CDH13: variants seen among roughly 807,000 people sequenced by gnomAD.
CDH13 encodes cadherin-13.
In CDH13, 24 loss-of-function variants were observed where a neutral mutation model predicts 63.8. The ratio of observed to expected loss-of-function variants is 0.38; its 90% CI spans 0.27 to 0.53. The LOEUF (loss-of-function observed/expected upper bound fraction) is 0.53, where lower values mean the gene tolerates loss of function less well. Ranked by LOEUF, CDH13 falls within the 20% of genes least tolerant of loss-of-function variation. CDH13 has a pLI of 0.85. For synonymous variants in CDH13, 503 were observed against 355.3 expected, an observed-to-expected ratio of 1.42 and a Z score of -4.67; for missense variants, 1,049 against 903.1, an observed-to-expected ratio of 1.16 and a Z score of -2.07.
chr16:83,271,654 A>G (rs888495381), intron 5 of CDH13, among the ~76,000 whole-genome samples: 3 of 152,036 alleles, frequency 2.0e-5, no homozygotes, highest in Admixed American at 1.3e-4. Context: ...AATAATTCAC[A>G]ATACTCAAGG....
At chr16:83,390,818 G>A (rs1029419798) in intron 6 of CDH13, among the ~76,000 whole-genome samples, 1 of 152,144 alleles carries the variant, frequency 6.6e-6, no homozygotes, top group Non-Finnish European at 1.5e-5. Flanking sequence ...GGTAGCTGAA[G>A]CAGGAGAAGG....
intron 5 of CDH13, among the ~76,000 whole-genome samples, chr16:83,315,813 A>G (rs2090093686): frequency 6.8e-6 from 1 of 148,148 alleles, no homozygotes; most frequent in Admixed American, 6.7e-5. Flanking sequence ...ATGTTCTTTC[A>G]GTTCATTTGC....
intron 9 of CDH13, among the ~76,000 whole-genome samples, chr16:83,672,538 C>T (rs1914602547): frequency 6.8e-6 from 1 of 146,988 alleles, no homozygotes; most frequent in Non-Finnish European, 1.5e-5. Context: ...GATTCTCCTG[C>T]CTCAGTCTCC....
chr16:82,673,092 T>C (rs1913485967), intron 1 of CDH13, among the ~76,000 whole-genome samples: 1 of 144,642 alleles, frequency 6.9e-6, no homozygotes, highest in Admixed American at 7.2e-5. Flanking sequence ...TCTTTCCACC[T>C]TGGCCTTACA....
At chr16:83,496,287 G>A (rs936776301) in intron 7 of CDH13, among the ~76,000 whole-genome samples, 7 of 147,066 alleles carry the variant, frequency 4.8e-5, no homozygotes, top group East Asian at 2.0e-4. Context: ...AACCAAAACA[G>A]CATGGTACTG....
chr16:83,200,000 C>T (rs774038769), intron 4 of CDH13, among the ~76,000 whole-genome samples: 21 of 152,168 alleles, frequency 1.4e-4, no homozygotes, highest in Non-Finnish European at 2.9e-4. Flanking sequence ...AAGACGAATC[C>T]TTGCTCCACC....
chr16:83,364,655 G>A (rs2091225184), intron 6 of CDH13, among the ~76,000 whole-genome samples: 1 of 152,200 alleles, frequency 6.6e-6, no homozygotes, highest in South Asian at 2.1e-4. Context: ...ACCAGTGAAA[G>A]TAGAGTGATA....
At chr16:82,633,428 G>A (rs1406146797) in intron 1 of CDH13, among the ~76,000 whole-genome samples, 4 of 152,204 alleles carry the variant, frequency 2.6e-5, no homozygotes, top group Admixed American at 6.5e-5. Context: ...CACCCAAGCC[G>A]GAGTGCGGTG....
At chr16:83,046,053 C>G (rs566563551) in intron 3 of CDH13, among the ~76,000 whole-genome samples, 2 of 152,322 alleles carry the variant, frequency 1.3e-5, no homozygotes, top group South Asian at 4.1e-4. Context: ...CTGTTTGATT[C>G]TCAGCCCAAT....
chr16:83,386,424 A>T (rs1039068575), intron 6 of CDH13, among the ~76,000 whole-genome samples: 2 of 152,238 alleles, frequency 1.3e-5, no homozygotes, highest in African/African-American at 4.8e-5. Context: ...GAGACTTGAT[A>T]GTAAAAACTG....
At chr16:83,220,928 G>C (rs1259826199) in intron 5 of CDH13, among the ~76,000 whole-genome samples, 1 of 152,230 alleles carries the variant, frequency 6.6e-6, no homozygotes, top group Non-Finnish European at 1.5e-5. Flanking sequence ...CTGCATGGCA[G>C]ATATTATGCT....
chr16:82,717,295 G>C (rs1351246862), intron 1 of CDH13, among the ~76,000 whole-genome samples: 1 of 151,974 alleles, frequency 6.6e-6, no homozygotes, highest in Non-Finnish European at 1.5e-5. Flanking sequence ...AATTAATAAG[G>C]TGTGGTGGTT....
At chr16:83,685,314 A>T (rs1227745913) in intron 10 of CDH13, among the ~76,000 whole-genome samples, 1 of 152,210 alleles carries the variant, frequency 6.6e-6, no homozygotes, top group Non-Finnish European at 1.5e-5. Context: ...ACTTTCTGCC[A>T]TGAATGCCTT....
At chr16:83,578,868 C>T (rs1905282344) in intron 7 of CDH13, among the ~76,000 whole-genome samples, 1 of 152,162 alleles carries the variant, frequency 6.6e-6, no homozygotes, top group South Asian at 2.1e-4. Flanking sequence ...GAGGCAGATT[C>T]TATTATTCTC....
At chr16:82,845,839 A>G (rs1440078399) in intron 1 of CDH13, among the ~76,000 whole-genome samples, 1 of 152,242 alleles carries the variant, frequency 6.6e-6, no homozygotes, top group Non-Finnish European at 1.5e-5. Context: ...CCTAAGGGCC[A>G]GCCAGCAAGC....
At chr16:83,622,678 G>A (rs1448968028) in intron 8 of CDH13, among the ~76,000 whole-genome samples, 2 of 152,180 alleles carry the variant, frequency 1.3e-5, no homozygotes, top group Admixed American at 6.5e-5. Context: ...ACATTAGCCC[G>A]CTCTCGCTAC....
chr16:83,338,499 C>T (rs1189936869), intron 5 of CDH13, among the ~76,000 whole-genome samples: 3 of 152,214 alleles, frequency 2.0e-5, no homozygotes, highest in African/African-American at 4.8e-5. Flanking sequence ...AATAAACTCC[C>T]GTCCTCATGT....
chr16:83,734,208 A>C (rs1048988656), intron 10 of CDH13, among the ~76,000 whole-genome samples: 1 of 152,184 alleles, frequency 6.6e-6, no homozygotes, highest in Non-Finnish European at 1.5e-5. Flanking sequence ...AAACTGAAAA[A>C]ATATATGTAT....
chr16:83,078,197 T>G (rs971591955), intron 3 of CDH13, among the ~76,000 whole-genome samples: 2 of 152,048 alleles, frequency 1.3e-5, no homozygotes, highest in African/African-American at 4.8e-5. Flanking sequence ...TGTCACTGAG[T>G]CTCTTCTATC....
Sources: allele counts gnomAD v4.1 joint callset (sites outside exome capture counted in the v4.1 genomes callset), GRCh38; gene constraint gnomAD v4.1.1; transcripts MANE v1.5; gene names NCBI Gene and HGNC (gene_info 2026-07-23, HGNC 2026-07-21).